CREB1: variants seen among roughly 807,000 people sequenced by gnomAD.
The protein encoded by CREB1 is cAMP responsive element binding protein 1.
A neutral mutation model predicts 42.0 loss-of-function variants in CREB1; 2 were observed. That is an observed-to-expected ratio of 0.05 (90% confidence interval 0.02 to 0.15). The LOEUF (loss-of-function observed/expected upper bound fraction) is 0.15, where lower values mean the gene tolerates loss of function less well. Ranked by LOEUF, CREB1 falls within the 10% of genes least tolerant of loss-of-function variation. The pLI is 1.00. For synonymous variants in CREB1, 123 were observed against 139.9 expected (o/e 0.88, Z 0.85); for missense variants, 199 against 388.9 (o/e 0.51, Z 4.11).
chr2:207,555,858 T>C lies in CREB1; in HGVS notation c.114+109T>C, dbSNP rs2081698869. The C allele has an allele frequency of 4.8e-6, 3 of 623,292 alleles. No individual in the cohort carries two copies. The East Asian group carries it at 8.3e-5, about 17-fold the overall frequency. The allele number at this position is 623,292 out of a possible 1,614,324, so 38.6% of individuals were successfully genotyped here. Reference sequence around the variant, plus strand: ...ATATACATAGAATGAGCAGAGATACTCTTACAATATCAAAATTCCTATTTA... The same window carrying C: ...ATATACATAGAATGAGCAGAGATACCCTTACAATATCAAAATTCCTATTTA... On this transcript the variant is annotated intron_variant, in intron 2 of 7. Transcript: ENST00000353267.
At chr2:207,555,276 T>C (rs559073666) in intron 1 of CREB1, among the ~76,000 whole-genome samples, 55 of 152,324 alleles carry the variant, frequency 3.6e-4, no homozygotes, top group Non-Finnish European at 4.9e-4. Context: ...CTGATTAGTA[T>C]AGTTTTGAAA....
chr2:207,549,874 G>A (rs1293659716), intron 1 of CREB1, among the ~76,000 whole-genome samples: 1 of 151,950 alleles, frequency 6.6e-6, no homozygotes, highest in Non-Finnish European at 1.5e-5. Context: ...GGAGGCTGAG[G>A]CAGGAGAACT....
rs537761630 is a variant in CREB1 at position 207,582,916 on chromosome 2, A to T, written c.839+5261A>T. The T allele has an allele frequency of 1.6e-3, 379 of 232,226 alleles. 2 individuals carry two copies. The highest frequency in any genetic ancestry group is 2.7e-3 in the East Asian group (19 of 6,950). The allele number at this position is 232,226 out of a possible 1,614,324, so 14.4% of individuals were successfully genotyped here. The stretch of plus-strand genomic sequence containing the variant: ...AAAAAAACAAACAAACAAACAAAAA[A>T]AAATATATATATATACATACACACA... On this transcript the variant is annotated intron_variant, in intron 7 of 7. Transcript: ENST00000353267.
At chr2:207,560,105 G>A (rs556164346) in intron 2 of CREB1, 121 bp from the exon 3 acceptor site, 2 of 811,260 alleles carry the variant, frequency 2.5e-6, no homozygotes, top group South Asian at 6.2e-5. Context: ...TTTCATATCA[G>A]TGAAATACAT....
chr2:207,533,894 T>G (rs1189072190), intron 1 of CREB1, among the ~76,000 whole-genome samples: 1 of 152,228 alleles, frequency 6.6e-6, no homozygotes, highest in African/African-American at 2.4e-5. Flanking sequence ...GTACCCACCC[T>G]AAAGGAATTT....
intron 6 of CREB1, chr2:207,577,002 T>C (rs2082624400): frequency 1.1e-6 from 1 of 902,034 alleles, no homozygotes; most frequent in Non-Finnish European, 1.3e-6. Flanking sequence ...TTTCATACTT[T>C]TAGTTTTGTT....
intron 7 of CREB1, among the ~76,000 whole-genome samples, chr2:207,588,406 T>G (rs775332621): frequency 6.6e-6 from 1 of 152,232 alleles, no homozygotes; most frequent in African/African-American, 2.4e-5. Context: ...GTCTGTCCTT[T>G]AGCCAATACC....
intron 7 of CREB1, chr2:207,581,951 G>A (rs1293830311): frequency 2.8e-6 from 2 of 702,438 alleles, no homozygotes; most frequent in South Asian, 1.5e-5. Flanking sequence ...TGTTTTCTAT[G>A]GATAGATTGA....
intron 1 of CREB1, among the ~76,000 whole-genome samples, chr2:207,541,810 C>A (rs2081109638): frequency 6.6e-6 from 1 of 151,636 alleles, no homozygotes; most frequent in Admixed American, 6.6e-5. Context: ...TTCATTATCC[C>A]TAAAAGAAAT....
At chr2:207,571,122 C>T (rs2082348275) in intron 5 of CREB1, among the ~76,000 whole-genome samples, 1 of 140,786 alleles carries the variant, frequency 7.1e-6, no homozygotes, top group South Asian at 2.3e-4. Context: ...ACCCTTTTCC[C>T]CACCCACCTT....
intron 2 of CREB1, 97 bp from the exon 3 acceptor site, chr2:207,560,129 G>C: frequency 9.0e-7 from 1 of 1,106,168 alleles, no homozygotes; most frequent in Non-Finnish European, 1.2e-6. Flanking sequence ...TAGCAAAAAG[G>C]TCACGTTTTT....
Position 207,529,972 on chromosome 2 carries a change from GGCT to G in CREB1, c.-162_-160del. The G allele has an allele frequency of 6.4e-6, 1 of 156,110 alleles. No individual in the cohort carries two copies. Among genetic ancestry groups the G allele is most frequent in the Non-Finnish European group, 1.4e-5 (1 of 70,796 alleles). The allele number at this position is 156,110 out of a possible 1,614,324, so 9.7% of individuals were successfully genotyped here. A position where few individuals can be genotyped will look rare whatever the true frequency, so the allele number is the denominator to read the frequency against. ...TGGCTGCGGCTCCTCAGTCGGCGGCGGCTGCTGCTGCCTGTGGCCCGGGCGGCT... is the reference window on the plus strand; with the variant it reads ...TGGCTGCGGCTCCTCAGTCGGCGGCGGCTGCTGCCTGTGGCCCGGGCGGCT... On this transcript the variant is annotated 5_prime_UTR_variant, in exon 1 of 8. Transcript: ENST00000353267.
chr2:207,535,725 C>T (rs975028879), intron 1 of CREB1, among the ~76,000 whole-genome samples: 5 of 151,876 alleles, frequency 3.3e-5, no homozygotes, highest in Admixed American at 6.6e-5. Flanking sequence ...TCAGCCAAAG[C>T]ACAAAATGCG....
chr2:207,569,137 A>T (rs1338591855), intron 4 of CREB1, among the ~76,000 whole-genome samples: 1 of 152,176 alleles, frequency 6.6e-6, no homozygotes, highest in African/African-American at 2.4e-5. Context: ...TTATATGGGC[A>T]TATAGATTGT....
intron 1 of CREB1, among the ~76,000 whole-genome samples, chr2:207,554,394 T>A (rs1004783879): frequency 6.6e-6 from 1 of 152,212 alleles, no homozygotes; most frequent in African/African-American, 2.4e-5. Context: ...ATAAAATAAA[T>A]GAAATATATT....
chr2:207,558,352 C>T (rs1295607605), intron 2 of CREB1, among the ~76,000 whole-genome samples: 1 of 152,164 alleles, frequency 6.6e-6, no homozygotes, highest in Non-Finnish European at 1.5e-5. Flanking sequence ...ATCCTTACTT[C>T]TTGCATTCTC....
intron 3 of CREB1, among the ~76,000 whole-genome samples, chr2:207,565,166 G>A (rs149786826): frequency 1.3e-5 from 2 of 151,712 alleles, no homozygotes; most frequent in African/African-American, 2.4e-5. Context: ...CCCCCAGAAC[G>A]GTACATTTAT....
chr2:207,561,635 A>G (rs1007055716), intron 3 of CREB1, among the ~76,000 whole-genome samples: 6 of 152,142 alleles, frequency 3.9e-5, no homozygotes, highest in East Asian at 3.9e-4. Flanking sequence ...GAAAATTTCC[A>G]GACTAAACAA....
intron 5 of CREB1, among the ~76,000 whole-genome samples, chr2:207,571,977 C>G (rs2082383893): frequency 6.6e-6 from 1 of 152,112 alleles, no homozygotes; most frequent in Non-Finnish European, 1.5e-5. Context: ...GCCTGTAATC[C>G]CAGCACGCTG....
Sources: gnomAD v4.1 joint callset for allele counts (sites outside exome capture counted in the v4.1 genomes callset) on GRCh38, gnomAD v4.1.1 for gene constraint, MANE v1.5 for transcripts, NCBI Gene and HGNC (gene_info 2026-07-23, HGNC 2026-07-21) for gene names.